The following IFNGR2 variants were observed in gnomAD, a reference collection of about 807,000 sequenced individuals.
IFNGR2 encodes the protein IFN-gamma receptor 2.
IFNGR2 carries 15 observed loss-of-function variants against 41.1 expected under a neutral mutation model. The ratio of observed to expected loss-of-function variants is 0.37; its 90% CI spans 0.24 to 0.56. The LOEUF (loss-of-function observed/expected upper bound fraction) is 0.56. IFNGR2 is among the 20% of genes least tolerant of loss of function. The probability of loss-of-function intolerance (pLI) is 0.81; values close to 1 mark genes in which losing one functional copy is unlikely to be tolerated. For missense variants in IFNGR2, 362 were observed against 415.7 expected (o/e 0.87, Z 1.12); for synonymous variants, 161 against 171.6 (o/e 0.94, Z 0.48).
At chr21:33,421,427 A>G (rs2083791059) in intron 2 of IFNGR2, 53 bp from the exon 3 acceptor site, 1 of 1,413,386 alleles carries the variant, frequency 7.1e-7, no homozygotes, top group South Asian at 1.2e-5. Flanking sequence ...TGGGGAAACT[A>G]TTACACATGA....
At chr21:33,406,106 C>T (rs2083675667) in intron 1 of IFNGR2, among the ~76,000 whole-genome samples, 2 of 152,026 alleles carry the variant, frequency 1.3e-5, no homozygotes, top group African/African-American at 4.8e-5. Flanking sequence ...GGCACGGTGG[C>T]TCATGCCTGT....
chr21:33,403,976 C>T (rs1021715511), intron 1 of IFNGR2, among the ~76,000 whole-genome samples: 2 of 152,164 alleles, frequency 1.3e-5, no homozygotes, highest in African/African-American at 4.8e-5. Flanking sequence ...AGAGGACACT[C>T]GGTGCCCCTC....
chr21:33,432,878 G>A lies in IFNGR2; in HGVS notation c.879+7G>A. 1 of 1,605,782 alleles carries A rather than the reference G, an allele frequency of 6.2e-7. No homozygotes were observed. Among genetic ancestry groups the A allele is most frequent in the Non-Finnish European group, 8.5e-7 (1 of 1,174,690 alleles). On this transcript the variant is annotated splice_region_variant and intron_variant, in intron 6 of 6. Transcript: ENST00000290219. ...CCCATTACAGATAGAAGAGGTACGT[G>A]TGCACACATCTCTTTTTTTTTTTTT...
At chr21:33,427,841 C>CTTTTTTTTTTTTTTTTTTTTTTTTTT (rs2083851840) in intron 4 of IFNGR2, among the ~76,000 whole-genome samples, 1 of 116,920 alleles carries the variant, frequency 8.6e-6, no homozygotes, top group Non-Finnish European at 1.7e-5. Flanking sequence ...CATCTCATTT[C>CTTTTTTTTTTTTTTTTTTTTTTTTTT]ATCTTTTTTT....
intron 1 of IFNGR2, among the ~76,000 whole-genome samples, chr21:33,407,848 C>A (rs1224440997): frequency 2.8e-5 from 4 of 142,528 alleles, no homozygotes; most frequent in African/African-American, 5.2e-5. Context: ...CCCACCGCAC[C>A]CCCCCCCGCC....
At chr21:33,434,945 G>A (rs2083929889) in intron 6 of IFNGR2, among the ~76,000 whole-genome samples, 1 of 152,144 alleles carries the variant, frequency 6.6e-6, no homozygotes, top group African/African-American at 2.4e-5. Context: ...CACTTTTCTA[G>A]GAAAGCATAA....
intron 1 of IFNGR2, among the ~76,000 whole-genome samples, chr21:33,405,378 C>A (rs2083670624): frequency 6.6e-6 from 1 of 152,174 alleles, no homozygotes; most frequent in South Asian, 2.1e-4. Flanking sequence ...AAATTATTAA[C>A]TGCTTTTCCA....
chr21:33,429,983 AC>A (rs2083872049), intron 4 of IFNGR2, among the ~76,000 whole-genome samples: 1 of 152,164 alleles, frequency 6.6e-6, no homozygotes, highest in African/African-American at 2.4e-5. Context: ...TACTAAAAAT[AC>A]AAAAATTAGC....
rs121913217 is a variant in IFNGR2 at position 33,432,772 on chromosome 21, G to A, written c.780G>A (p.Ser260=). The A allele has an allele frequency of 6.0e-5, 97 of 1,614,030 alleles. 1 individual carries two copies. Among genetic ancestry groups the A allele is most frequent in the South Asian group, 4.0e-4 (36 of 91,076 alleles). The change falls in exon 6 of 7, where the codon TCG becomes TCA. Residue 260 remains serine, a synonymous_variant. Coordinates refer to ENST00000290219, the MANE Select transcript of IFNGR2 (RefSeq NM_005534.4). The part of the protein sequence containing the change: ...LISVGTFSLL[S]VLAGACFFLV... ...CCGTGGGAACATTTTCGTTGCTGTC[G>A]GTGCTGGCAGGAGCCTGTTTCTTCC... is the stretch of plus-strand genomic sequence containing the variant.
rs1217715123 is a variant in IFNGR2, at chr21:33,424,854, C to A, written c.413-2030C>A. Among the ~76,000 whole-genome samples, 4 of 138,078 alleles carry A rather than the reference C, an allele frequency of 2.9e-5. No individual in the cohort carries two copies. The Admixed American group carries it at 3.0e-4, about 10-fold the overall frequency. 90.6% of individuals were successfully genotyped at this position (138,078 alleles called of 152,430 possible). ...CCTCCAGGTTTAAGTGATTCTCGTG[C>A]CTCAGCCTCCCCAGTAGCTAGGATT... On this transcript the variant is annotated intron_variant, in intron 3 of 6. Transcript: ENST00000290219.
At chr21:33,436,765 T>A in intron 6 of IFNGR2, 63 bp from the exon 7 acceptor site, 2 of 1,330,894 alleles carry the variant, frequency 1.5e-6, no homozygotes, top group African/African-American at 1.5e-5. Context: ...AAAACTAAAG[T>A]TAAAAGGTCT....
At chr21:33,415,170 G>A in intron 2 of IFNGR2, 150 bp downstream of exon 2, 1 of 1,056,326 alleles carries the variant, frequency 9.5e-7, no homozygotes. Flanking sequence ...AAATCTCTGA[G>A]GACAGAGGTT....
intron 1 of IFNGR2, among the ~76,000 whole-genome samples, chr21:33,405,103 G>GAAAA (rs3057379): frequency 4.2e-5 from 5 of 119,830 alleles, no homozygotes; most frequent in East Asian, 2.5e-4. Flanking sequence ...CTCTGTCTCA[G>GAAAA]AAAAAAAAAA....
At chr21:33,431,725 C>G (rs140560189) in intron 4 of IFNGR2, among the ~76,000 whole-genome samples, 1 of 152,188 alleles carries the variant, frequency 6.6e-6, no homozygotes, top group African/African-American at 2.4e-5. Context: ...TGTGTGCCAC[C>G]ACATCCAGCT....
chr21:33,424,687 C>T (rs1229080001), intron 3 of IFNGR2, among the ~76,000 whole-genome samples: 2 of 152,208 alleles, frequency 1.3e-5, no homozygotes, highest in East Asian at 1.9e-4. Flanking sequence ...CAAGTAGTGT[C>T]ACCTCCTGGC....
intron 3 of IFNGR2, among the ~76,000 whole-genome samples, chr21:33,425,704 C>CT (rs2083830675): frequency 6.6e-6 from 1 of 152,216 alleles, no homozygotes; most frequent in Admixed American, 6.5e-5. Flanking sequence ...CCTGACCTCA[C>CT]TTCTGCCACT....
chr21:33,419,240 G>T (rs1341094165), intron 2 of IFNGR2, among the ~76,000 whole-genome samples: 1 of 152,058 alleles, frequency 6.6e-6, no homozygotes, highest in Admixed American at 6.6e-5. Flanking sequence ...CAAGTAGCTG[G>T]GATTACAGGC....
chr21:33,403,285 G>A (rs2083653160), upstream of IFNGR2: 1 of 160,852 alleles, frequency 6.2e-6, no homozygotes, highest in South Asian at 2.0e-4. Flanking sequence ...CAGCCGCAGA[G>A]GCCCCCCAGG....
chr21:33,410,881 C>T, intron 1 of IFNGR2: 2 of 1,545,418 alleles, frequency 1.3e-6, no homozygotes, highest in Middle Eastern at 1.7e-4. Context: ...AATGATTCAG[C>T]AGCTACTCAT....
Sources: allele counts gnomAD v4.1 joint callset (sites outside exome capture counted in the v4.1 genomes callset), GRCh38; gene constraint gnomAD v4.1.1; transcripts MANE v1.5; gene names NCBI Gene and HGNC (gene_info 2026-07-23, HGNC 2026-07-21).